The following GLIS1 variants were observed in gnomAD, a reference collection of about 807,000 sequenced individuals.
GLIS1 encodes zinc finger protein GLIS1.
A neutral mutation model predicts 63.8 loss-of-function variants in GLIS1; 24 were observed. The ratio of observed to expected loss-of-function variants is 0.38; its 90% CI spans 0.27 to 0.53. GLIS1 has a LOEUF of 0.53. Among genes scored for constraint, GLIS1 ranks in the 20% least tolerant of loss-of-function variants. The pLI is 0.85. For missense variants in GLIS1, 1,036 were observed against 1,074.1 expected, an observed-to-expected ratio of 0.96 and a Z score of 0.50; for synonymous variants, 450 against 482.5, an observed-to-expected ratio of 0.93 and a Z score of 0.88.
chr1:53,552,672 G>A (rs933039865), intron 4 of GLIS1, among the ~76,000 whole-genome samples: 15 of 152,212 alleles, frequency 9.9e-5, no homozygotes, highest in Non-Finnish European at 2.1e-4. Flanking sequence ...ATCGGCTCGT[G>A]CCCACAGATG....
In GLIS1 at chr1:53,647,109, C is replaced by A. The variant is rs1393692472; in HGVS notation, c.260-46831G>T. Reference sequence around the variant, plus strand: ...GATTCCAAATGTGAATTTAGAAATTCCAAATTTATCTAGAAGCTGGAAGTT... The same window carrying A: ...GATTCCAAATGTGAATTTAGAAATTACAAATTTATCTAGAAGCTGGAAGTT... On this transcript the variant is annotated intron_variant, in intron 2 of 10. Coordinates refer to ENST00000628545, the MANE Select transcript of GLIS1 (RefSeq NM_001367484.1). 2.6e-5 allele frequency among the ~76,000 whole-genome samples: 4 copies of A among 152,034 alleles called. No individual in the cohort carries two copies. In the South Asian group the frequency reaches 6.2e-4, roughly 24 times the overall value.
intron 2 of GLIS1, among the ~76,000 whole-genome samples, chr1:53,641,376 C>T (rs760306717): frequency 6.6e-6 from 1 of 152,212 alleles, no homozygotes; most frequent in Admixed American, 6.5e-5. Context: ...TGGGAAGGAA[C>T]AGCTTTCCTA....
At chr1:53,528,750 G>C (rs1644497074) in intron 5 of GLIS1, among the ~76,000 whole-genome samples, 1 of 152,104 alleles carries the variant, frequency 6.6e-6, no homozygotes, top group South Asian at 2.1e-4. Flanking sequence ...CTGGGCCCCT[G>C]TTTCCTCCTC....
chr1:53,549,397 G>A (rs1644736982), intron 4 of GLIS1, among the ~76,000 whole-genome samples: 1 of 152,176 alleles, frequency 6.6e-6, no homozygotes, highest in Non-Finnish European at 1.5e-5. Context: ...TTCCCATCAG[G>A]GTACAAGAGT....
chr1:53,734,763 C>T (rs1416397528), intron 2 of GLIS1, among the ~76,000 whole-genome samples: 1 of 152,220 alleles, frequency 6.6e-6, no homozygotes, highest in East Asian at 1.9e-4. Context: ...CAGGCCATCA[C>T]CACAAAGCTG....
chr1:53,714,553 G>A (rs1050636949), intron 2 of GLIS1, among the ~76,000 whole-genome samples: 2 of 152,322 alleles, frequency 1.3e-5, no homozygotes, highest in East Asian at 1.9e-4. Context: ...TCCAGTCCAC[G>A]ATGGTCTGAA....
In GLIS1 at chr1:53,520,686, C is replaced by A; in HGVS notation, c.1674G>T (p.Leu558=). 6.2e-7 allele frequency: 1 copy of A among 1,609,868 alleles called. No individual in the cohort carries two copies. ...AGCCACCCTTGCCGTCGCTGGCAGC[C>A]AGCTGTGTGGACGTGTGGAGCTGCT... is the stretch of plus-strand genomic sequence containing the variant. ...VLQQLHTSTQ[L]AASDGKGGCG... The change falls in exon 7 of 11, where the codon CTG becomes CTT. Residue 558 remains leucine, a synonymous_variant. Transcript: ENST00000628545.
intron 2 of GLIS1, among the ~76,000 whole-genome samples, chr1:53,703,595 C>T (rs1391680801): frequency 2.7e-5 from 4 of 145,960 alleles, no homozygotes; most frequent in African/African-American, 1.0e-4. Flanking sequence ...GCTATGATCA[C>T]ACCACTGCAC....
intron 2 of GLIS1, among the ~76,000 whole-genome samples, chr1:53,622,272 A>G (rs1036103049): frequency 1.3e-4 from 19 of 151,956 alleles, no homozygotes; most frequent in African/African-American, 4.3e-4. Flanking sequence ...TACTAAAAAT[A>G]CAAATACTAG....
chr1:53,598,568 G>A lies in GLIS1; in HGVS notation c.437+1533C>T, dbSNP rs967125363. On this transcript the variant is annotated intron_variant, in intron 3 of 10. Transcript: ENST00000628545. The surrounding 1 kb of genome is among the most constrained non-coding windows in gnomAD (Gnocchi z 4.6). ...AAAAGGAGGAATTAGGGCACAGGCCGAGGGATGGCCACGTGAGTACTCAGC... is the reference window on the plus strand; with the variant it reads ...AAAAGGAGGAATTAGGGCACAGGCCAAGGGATGGCCACGTGAGTACTCAGC... 2.0e-5 allele frequency among the ~76,000 whole-genome samples: 3 copies of A among 151,938 alleles called. No homozygotes were observed. Among genetic ancestry groups the A allele is most frequent in the Admixed American group, 6.5e-5 (1 of 15,278 alleles).
rs140854495 is a variant in GLIS1, at chr1:53,518,502, A to G, written c.1726+2132T>C. On this transcript the variant is annotated intron_variant, in intron 7 of 10. Coordinates refer to ENST00000628545, the MANE Select transcript of GLIS1 (RefSeq NM_001367484.1). Reference sequence around the variant, plus strand: ...TCATTCTTCTTGCTCACCATAAACAATAACAGTAAGATGATCAGTCACATA... The same window carrying G: ...TCATTCTTCTTGCTCACCATAAACAGTAACAGTAAGATGATCAGTCACATA... Among the ~76,000 whole-genome samples the G allele has an allele frequency of 5.8e-4, 89 of 152,296 alleles. 1 individual carries two copies. The highest frequency in any genetic ancestry group is 1.3e-3 in the African/African-American group (55 of 41,558).
chr1:53,565,087 A>G (rs1644925862), intron 4 of GLIS1, among the ~76,000 whole-genome samples: 1 of 152,070 alleles, frequency 6.6e-6, no homozygotes, highest in African/African-American at 2.4e-5. Flanking sequence ...AGTCAATCAC[A>G]TAAAGGCAAA....
intron 2 of GLIS1, among the ~76,000 whole-genome samples, chr1:53,687,670 C>A (rs1395264982): frequency 6.6e-6 from 1 of 152,214 alleles, no homozygotes; most frequent in South Asian, 2.1e-4. Context: ...CCCCCGCCGC[C>A]CACCACCCAG....
intron 3 of GLIS1, among the ~76,000 whole-genome samples, chr1:53,597,865 G>A (rs953813263): frequency 6.6e-6 from 1 of 151,946 alleles, no homozygotes; most frequent in African/African-American, 2.4e-5. Flanking sequence ...TTGTCAAAAT[G>A]ATATTCAAAA....
intron 2 of GLIS1, among the ~76,000 whole-genome samples, chr1:53,620,417 C>T (rs1388024698): frequency 6.6e-6 from 1 of 152,244 alleles, no homozygotes; most frequent in Non-Finnish European, 1.5e-5. Flanking sequence ...TTCCCCAAAG[C>T]TTGCCTGCTT....
chr1:53,536,653 C>T (rs2100353377), intron 4 of GLIS1, among the ~76,000 whole-genome samples: 1 of 152,210 alleles, frequency 6.6e-6, no homozygotes, highest in South Asian at 2.1e-4. Context: ...CTATATGTGT[C>T]CCTAACCACT....
In GLIS1 at chr1:53,609,266, C is replaced by CTTTTTTTTTT. The variant is rs1221426769; in HGVS notation, c.260-8998_260-8989dup. Among the ~76,000 whole-genome samples, 32 of 81,410 alleles carry CTTTTTTTTTT rather than the reference C, an allele frequency of 3.9e-4. 2 individuals carry two copies. Among genetic ancestry groups the CTTTTTTTTTT allele is most frequent in the East Asian group, 8.6e-4 (2 of 2,320 alleles). 53.4% of individuals were successfully genotyped at this position (81,410 alleles called of 152,430 possible). On this transcript the variant is annotated intron_variant, in intron 2 of 10. Transcript: ENST00000628545. ...TATATTTGGGTATTTGGGTTTAAAT[C>CTTTTTTTTTT]TTTTTTTTTTTTTTTTTTTTTTTTT...
In GLIS1 at chr1:53,603,735, T is replaced by C. The variant is rs910893127; in HGVS notation, c.260-3457A>G. 5.3e-5 allele frequency among the ~76,000 whole-genome samples: 8 copies of C among 152,350 alleles called. No homozygotes were observed. The East Asian group carries it at 1.5e-3, about 29-fold the overall frequency. On this transcript the variant is annotated intron_variant, in intron 2 of 10. Transcript: ENST00000628545. ...GCACCCGCAACCATGTCTCACTCTG[T>C]GCCACAGGGGGCCAAGAGCCAACCT...
chr1:53,568,941 T>C (rs1199840866), intron 4 of GLIS1, among the ~76,000 whole-genome samples: 1 of 152,210 alleles, frequency 6.6e-6, no homozygotes, highest in Non-Finnish European at 1.5e-5. Flanking sequence ...AAGTAAACTG[T>C]GTTGCATCTA....
Sources: gnomAD v4.1 joint callset for allele counts (sites outside exome capture counted in the v4.1 genomes callset) on GRCh38, gnomAD v4.1.1 for gene constraint, Gnocchi (gnomAD v3.1) non-coding constraint, MANE v1.5 for transcripts, NCBI Gene and HGNC (gene_info 2026-07-23, HGNC 2026-07-21) for gene names.